PCDH15: variants seen among roughly 807,000 people sequenced by gnomAD.
PCDH15 encodes the protein protocadherin-15.
PCDH15 carries 129 observed loss-of-function variants against 178.5 expected under a neutral mutation model. That is an observed-to-expected ratio of 0.72 (90% CI 0.63 to 0.84). PCDH15 has a LOEUF of 0.84. PCDH15 is among the 40% of genes least tolerant of loss of function. PCDH15 has a pLI of 0.00. For missense variants in PCDH15, 2,230 were observed against 2,099.9 expected (o/e 1.06, Z -1.21); for synonymous variants, 800 against 732.0 (o/e 1.09, Z -1.50).
At chr10:54,576,136 CATCT>C (rs5785086) in intron 2 of PCDH15, among the ~76,000 whole-genome samples, 142,387 of 152,184 alleles carry the variant, frequency 0.94, 66,891 homozygotes, top group Middle Eastern at 0.98. Flanking sequence ...CGTATGTATC[CATCT>C]ATCTATCTAT....
intron 1 of PCDH15, among the ~76,000 whole-genome samples, chr10:54,698,123 G>C (rs1186696486): frequency 1.3e-5 from 2 of 152,024 alleles, no homozygotes; most frequent in East Asian, 3.9e-4. Context: ...CTACAGAAAG[G>C]GAAAATCATC....
At chr10:55,618,687 C>T (rs1390719116) in intron 2 of PCDH15, among the ~76,000 whole-genome samples, 1 of 151,956 alleles carries the variant, frequency 6.6e-6, no homozygotes, top group Non-Finnish European at 1.5e-5. Context: ...GGTGAAGAAA[C>T]TGAAGCACAG....
intron 26 of PCDH15, among the ~76,000 whole-genome samples, chr10:53,889,804 T>C (rs1281345432): frequency 1.3e-5 from 2 of 152,152 alleles, no homozygotes; most frequent in Non-Finnish European, 2.9e-5. Flanking sequence ...GCAATGAAAA[T>C]GAATCAATTA....
chr10:54,984,373 T>G (rs1318328017), intron 2 of PCDH15, among the ~76,000 whole-genome samples: 1 of 152,106 alleles, frequency 6.6e-6, no homozygotes, highest in East Asian at 1.9e-4. Flanking sequence ...GAGACTCTCA[T>G]TACAGAGAGA....
At chr10:55,141,940 G>A (rs2132089579) in intron 2 of PCDH15, among the ~76,000 whole-genome samples, 1 of 152,062 alleles carries the variant, frequency 6.6e-6, no homozygotes, top group East Asian at 1.9e-4. Context: ...ATCACACAGG[G>A]AAGTAATTAT....
At chr10:55,256,509 T>A (rs181820665) in intron 1 of PCDH15, among the ~76,000 whole-genome samples, 131 of 152,186 alleles carry the variant, frequency 8.6e-4, no homozygotes, top group Non-Finnish European at 1.3e-3. Flanking sequence ...ACCTGGAAAA[T>A]CGGGTCACTC....
In PCDH15 at chr10:55,567,163, A is replaced by C. The variant is rs1470196316; in HGVS notation, c.-156+60462T>G. ...CAAATGATTTTCAATTACGGTGTCAAGAGTATTCAATGGGGAAAAGGCAGT... is the reference window on the plus strand; with the variant it reads ...CAAATGATTTTCAATTACGGTGTCACGAGTATTCAATGGGGAAAAGGCAGT... On this transcript the variant is annotated intron_variant, in intron 2 of 5. Transcript: ENST00000613346. Among the ~76,000 whole-genome samples the C allele has an allele frequency of 2.6e-5, 4 of 151,974 alleles. No homozygotes were observed. The East Asian group carries it at 7.7e-4, about 29-fold the overall frequency.
chr10:55,582,782 T>C (rs1842649699), intron 2 of PCDH15, among the ~76,000 whole-genome samples: 1 of 151,590 alleles, frequency 6.6e-6, no homozygotes, highest in African/African-American at 2.4e-5. Context: ...GCAGCAGTTA[T>C]CCCAAAATGG....
chr10:55,221,182 C>A (rs1840865458), intron 1 of PCDH15, among the ~76,000 whole-genome samples: 1 of 151,940 alleles, frequency 6.6e-6, no homozygotes, highest in African/African-American at 2.4e-5. Context: ...TTGCACAATA[C>A]ATAGTGTGTG....
chr10:54,678,554 C>T lies in PCDH15; in HGVS notation c.-28-14264G>A, dbSNP rs115422049. Among the ~76,000 whole-genome samples the T allele has an allele frequency of 5.6e-3, 856 of 152,006 alleles. 8 individuals are homozygous for T. The highest frequency in any genetic ancestry group is 0.02 in the African/African-American group (815 of 41,498). On this transcript the variant is annotated intron_variant, in intron 1 of 37. Transcript: ENST00000644397. Reference sequence around the variant, plus strand: ...TAAGCATATTACTGCTAAATTCAAACAAATTTTAAAAACAAAAAAAGATAT... The same window carrying T: ...TAAGCATATTACTGCTAAATTCAAATAAATTTTAAAAACAAAAAAAGATAT...
chr10:55,102,121 ATACT>A (rs1467664054), intron 2 of PCDH15, among the ~76,000 whole-genome samples: 1 of 152,116 alleles, frequency 6.6e-6, no homozygotes, highest in Non-Finnish European at 1.5e-5. Context: ...ATTTAAAAGC[ATACT>A]TAAACTCATA....
intron 2 of PCDH15, among the ~76,000 whole-genome samples, chr10:55,623,491 G>T (rs1254915819): frequency 6.6e-6 from 1 of 151,940 alleles, no homozygotes; most frequent in Non-Finnish European, 1.5e-5. Flanking sequence ...TAGTATGGAT[G>T]AATTCAATGT....
In PCDH15 at chr10:54,766,754, C is replaced by A. The variant is rs1183323807; in HGVS notation, c.-29+34171G>T. 4.0e-5 allele frequency among the ~76,000 whole-genome samples: 6 copies of A among 151,724 alleles called. No homozygotes were observed. The East Asian group carries it at 9.7e-4, about 25-fold the overall frequency. On this transcript the variant is annotated intron_variant, in intron 1 of 37. Transcript: ENST00000644397. The stretch of plus-strand genomic sequence containing the variant: ...ACCATCCTGGCTAACACGGTGAAAC[C>A]CCATCTCTACTAAAAATACAAAAAA...
At chr10:54,516,755 T>A (rs2082265506) in intron 3 of PCDH15, among the ~76,000 whole-genome samples, 1 of 151,766 alleles carries the variant, frequency 6.6e-6, no homozygotes, top group Non-Finnish European at 1.5e-5. Flanking sequence ...AGACACATAA[T>A]TGTCAGATTC....
chr10:54,027,555 A>G (rs1219252407), intron 18 of PCDH15, among the ~76,000 whole-genome samples: 2 of 149,760 alleles, frequency 1.3e-5, no homozygotes, highest in African/African-American at 5.0e-5. Context: ...ACAAGGCTAC[A>G]GTAACCAAAA....
At chr10:54,585,542 C>T in intron 2 of PCDH15, 1 of 253,570 alleles carries the variant, frequency 3.9e-6, no homozygotes, top group Admixed American at 4.3e-5. Flanking sequence ...AACTTCATAG[C>T]TGTAGGCTAA....
intron 2 of PCDH15, among the ~76,000 whole-genome samples, chr10:55,152,046 G>A (rs914711140): frequency 2.0e-5 from 3 of 152,036 alleles, no homozygotes; most frequent in African/African-American, 7.2e-5. Flanking sequence ...TGGTAAAAGA[G>A]TCATTCCAGT....
intron 8 of PCDH15, among the ~76,000 whole-genome samples, chr10:54,243,755 A>G (rs2055646365): frequency 1.3e-5 from 2 of 152,124 alleles, no homozygotes; most frequent in African/African-American, 4.8e-5. Context: ...GCTTTTTTCA[A>G]GGGTCAGAAA....
Position 53,810,587 on chromosome 10 carries a change from C to T in PCDH15, c.4640G>A (p.Gly1547Asp), listed in dbSNP as rs41274622. 15,230 of 1,613,770 alleles carry T rather than the reference C, an allele frequency of 9.4e-3. 93 individuals are homozygous for T. Among genetic ancestry groups the T allele is most frequent in the Non-Finnish European group, 0.011 (13,147 of 1,179,772 alleles). Reference protein sequence around the residue: ...AGQEEYGEVVGEAEEEYEEEE... With the variant: ...AGQEEYGEVVDEAEEEYEEEE... ...CTCCTCATATTCTTCCTCAGCTTCA[C>T]CAACCACCTCACCATATTCCTCCTG... Residue 1547 changes from glycine to aspartate, a missense_variant, in exon 37 of 38, where the codon GGT becomes GAT. Coordinates refer to ENST00000644397, the MANE Select transcript of PCDH15 (RefSeq NM_001384140.1).
Sources: allele counts gnomAD v4.1 joint callset (sites outside exome capture counted in the v4.1 genomes callset), GRCh38; gene constraint gnomAD v4.1.1; transcripts MANE v1.5; gene names NCBI Gene and HGNC (gene_info 2026-07-23, HGNC 2026-07-21).